OGDHL: variants seen among roughly 807,000 people sequenced by gnomAD.
OGDHL encodes oxoglutarate dehydrogenase L.
In OGDHL, 79 loss-of-function variants were observed where a neutral mutation model predicts 109.6. That is an observed-to-expected ratio of 0.72 (90% CI 0.60 to 0.87). The LOEUF (loss-of-function observed/expected upper bound fraction) is 0.87. Ranked by LOEUF, OGDHL falls within the 40% of genes least tolerant of loss-of-function variation. The pLI, the probability that OGDHL is intolerant of heterozygous loss-of-function variation, is 0.00. For missense variants in OGDHL, 1,275 were observed against 1,362.2 expected (o/e 0.94, Z 1.01); for synonymous variants, 528 against 537.2 (o/e 0.98, Z 0.24).
chr10:49,738,548 A>AG (rs1841395298), intron 17 of OGDHL: 1 of 473,848 alleles, frequency 2.1e-6, no homozygotes, highest in Non-Finnish European at 3.9e-6. Context: ...GTCCTGGAAC[A>AG]GTGGCTGCCA....
At chr10:49,748,460 G>A (rs144420385) in intron 8 of OGDHL, among the ~76,000 whole-genome samples, 2 of 152,212 alleles carry the variant, frequency 1.3e-5, no homozygotes, top group East Asian at 1.9e-4. Context: ...TCTCACTGAG[G>A]AACATATTCT....
At chr10:49,752,076 T>C (rs1383004739) in intron 5 of OGDHL, 57 bp downstream of exon 5, 2 of 1,609,268 alleles carry the variant, frequency 1.2e-6, no homozygotes, top group African/African-American at 2.7e-5. Context: ...CTTCCCGTCC[T>C]CTGGCAAGCT....
chr10:49,750,621 G>C (rs903502343), intron 7 of OGDHL, among the ~76,000 whole-genome samples: 4 of 152,188 alleles, frequency 2.6e-5, no homozygotes, highest in Non-Finnish European at 5.9e-5. Flanking sequence ...GAGGGTGCCT[G>C]ATAACCTGGT....
chr10:49,751,095 G>C (rs746638571), intron 6 of OGDHL, 110 bp from the exon 7 acceptor site: 179 of 1,062,780 alleles, frequency 1.7e-4, no homozygotes, highest in Non-Finnish European at 2.2e-4. Flanking sequence ...GAGGACAGAG[G>C]AAGTCACAAA....
chr10:49,756,887 T>C lies in OGDHL; in HGVS notation c.264A>G (p.Pro88=). 1 of 1,613,994 alleles carries C rather than the reference T, an allele frequency of 6.2e-7. No individual in the cohort carries two copies. The highest frequency in any genetic ancestry group is 8.5e-7 in the Non-Finnish European group (1 of 1,179,938). ...SEEAFSGSAQ[P]RPPSVVHESR... ...TCTCATGGACAACAGAAGGGGGCCG[T>C]GGCTGAGCAGAGCCAGAAAAGGCTT... The change falls in exon 3 of 23, where the codon CCA becomes CCG. Residue 88 remains proline, a synonymous_variant. Transcript: ENST00000374103.
chr10:49,754,784 C>G (rs929205282), intron 3 of OGDHL, among the ~76,000 whole-genome samples: 2 of 152,092 alleles, frequency 1.3e-5, no homozygotes, highest in Admixed American at 1.3e-4. Context: ...CATGAGGAAG[C>G]CATCAGCAAA....
Position 49,749,746 on chromosome 10 carries a change from T to A in OGDHL, c.967A>T (p.Lys323Ter). ...CCCACCTCGTCCGCCGCCTCCAGCT[T>A]GGGGTCAAACTGGCAGAAGATCTGC... ...LEQIFCQFDP[K>*]LEAADEGSGD... is the part of the protein sequence containing the mutation. The change falls in exon 8 of 23, where the codon AAG becomes TAG. Residue 323 changes from lysine (K) to a stop codon, truncating the protein, a stop_gained. Coordinates refer to ENST00000374103, the MANE Select transcript of OGDHL (RefSeq NM_018245.3). LOFTEE classifies it high-confidence loss of function. 1 of 1,597,868 alleles carries A rather than the reference T, an allele frequency of 6.3e-7. No individual in the cohort carries two copies. Among genetic ancestry groups the A allele is most frequent in the Non-Finnish European group, 8.5e-7 (1 of 1,175,982 alleles).
In OGDHL at chr10:49,746,894, G is replaced by T. The variant is rs1158122991; in HGVS notation, c.1168-16C>A. 6.2e-7 allele frequency: 1 copy of T among 1,613,974 alleles called. No individual in the cohort carries two copies. The highest frequency in any genetic ancestry group is 2.2e-5 in the East Asian group (1 of 44,874). ...TGGACATGACCTGCAGGGCAGGTGT[G>T]AGCCAGGAGGGGCTGCGTGCCCCAG... On this transcript the variant is annotated splice_polypyrimidine_tract_variant and intron_variant, in intron 9 of 22. Transcript: ENST00000374103.
At position 49,748,742 on chromosome 10, in the gene OGDHL, C is replaced by CCACACACACACACACACA. The variant is rs3223401; in HGVS notation, c.987+966_987+983dup. On this transcript the variant is annotated intron_variant, in intron 8 of 22. Coordinates refer to ENST00000374103, the MANE Select transcript of OGDHL (RefSeq NM_018245.3). ...GGGATAGGAGCCAGTAGGTATGGGT[C>CCACACACACACACACACA]CACACACACACACACACACACACAC... 1.8e-3 allele frequency among the ~76,000 whole-genome samples: 240 copies of CCACACACACACACACACA among 133,944 alleles called. 1 individual carries two copies. Among genetic ancestry groups the CCACACACACACACACACA allele is most frequent in the African/African-American group, 5.7e-3 (199 of 34,918 alleles). The allele number at this position is 133,944 out of a possible 152,430, so 87.9% of individuals were successfully genotyped here.
intron 2 of OGDHL, among the ~76,000 whole-genome samples, chr10:49,757,897 G>A (rs1843011863): frequency 6.6e-6 from 1 of 152,228 alleles, no homozygotes; most frequent in Non-Finnish European, 1.5e-5. Flanking sequence ...GATGAGGATA[G>A]ATTAGGAGGG....
intron 6 of OGDHL, 135 bp downstream of exon 6, chr10:49,751,692 C>A: frequency 8.5e-7 from 1 of 1,179,654 alleles, no homozygotes; most frequent in South Asian, 1.5e-5. Flanking sequence ...AACTCTCCTC[C>A]CTGCAGCCAG....
In OGDHL at chr10:49,735,323, G is replaced by T. The variant is rs1255226591; in HGVS notation, c.2938C>A (p.Pro980Thr). 3 of 1,613,872 alleles carry T rather than the reference G, an allele frequency of 1.9e-6. No individual in the cohort carries two copies. Among genetic ancestry groups the T allele is most frequent in the Non-Finnish European group, 2.5e-6 (3 of 1,179,994 alleles). ...WYVGRDPAAA[P>T]ATGNRNTHLV... ...TGAGTGTTCCTGTTTCCTGTGGCTG[G>T]TGCAGCCGCTGGGTCCCGGCCAACA... Residue 980 changes from proline (P) to threonine (T), a missense_variant, in exon 23 of 23, where the codon CCA becomes ACA. Pro to Thr is a conservative substitution (Grantham distance 38). Transcript: ENST00000374103.
At chr10:49,752,477 A>G (rs745553595) in intron 4 of OGDHL, among the ~76,000 whole-genome samples, 161 bp downstream of exon 4, 1 of 152,216 alleles carries the variant, frequency 6.6e-6, no homozygotes, top group Non-Finnish European at 1.5e-5. Flanking sequence ...CATCCTTCTC[A>G]GGAACAACAG....
rs916825179 is a variant in OGDHL at position 49,741,614 on chromosome 10, T to C, written c.2013-777A>G. Among the ~76,000 whole-genome samples the C allele has an allele frequency of 3.3e-5, 5 of 151,028 alleles. No homozygotes were observed. The East Asian group carries it at 7.8e-4, about 24-fold the overall frequency. On this transcript the variant is annotated intron_variant, in intron 15 of 22. Coordinates refer to ENST00000374103, the MANE Select transcript of OGDHL (RefSeq NM_018245.3). ...CAAAGACAACTGCAAACAAGCAAGA[T>C]AGGGGCTGACTTAACAGCAGTACAC...
At chr10:49,739,889 G>A in intron 16 of OGDHL, 50 bp from the exon 17 acceptor site, 1 of 1,566,746 alleles carries the variant, frequency 6.4e-7, no homozygotes, top group Non-Finnish European at 8.7e-7. Flanking sequence ...CCAAGTGGCA[G>A]TGGCTCCAGT....
At chr10:49,761,702 C>G (rs900134767) in intron 1 of OGDHL, among the ~76,000 whole-genome samples, 1 of 152,222 alleles carries the variant, frequency 6.6e-6, no homozygotes, top group African/African-American at 2.4e-5. Context: ...TCCCACATCT[C>G]CCGGGGGGCG....
At chr10:49,753,078 T>G (rs920123317) in intron 3 of OGDHL, among the ~76,000 whole-genome samples, 2 of 152,172 alleles carry the variant, frequency 1.3e-5, no homozygotes, top group South Asian at 2.1e-4. Context: ...ATATGGGCGA[T>G]CCACACAGCG....
chr10:49,736,257 C>T, intron 21 of OGDHL, 80 bp from the exon 22 acceptor site: 2 of 1,577,322 alleles, frequency 1.3e-6, no homozygotes, highest in South Asian at 2.4e-5. Flanking sequence ...GGCACAGGGC[C>T]TCACCGGCCT....
chr10:49,757,519 C>T (rs181611898), intron 2 of OGDHL, among the ~76,000 whole-genome samples: 11 of 152,282 alleles, frequency 7.2e-5, no homozygotes, highest in Admixed American at 6.5e-4. Flanking sequence ...GGGGAATTTA[C>T]CCTACAGATG....
Sources: allele counts gnomAD v4.1 joint callset (sites outside exome capture counted in the v4.1 genomes callset), GRCh38; gene constraint gnomAD v4.1.1; transcripts MANE v1.5; gene names NCBI Gene and HGNC (gene_info 2026-07-23, HGNC 2026-07-21).